RICTOR: variants seen among roughly 807,000 people sequenced by gnomAD.
The protein encoded by RICTOR is rapamycin-insensitive companion of mTOR.
Under a neutral mutation model 214.9 loss-of-function variants are expected in RICTOR, and 49 were observed. The observed-to-expected ratio is 0.23, with a 90% CI of 0.18 to 0.29. The LOEUF (loss-of-function observed/expected upper bound fraction) is 0.29. RICTOR is among the 10% of genes least tolerant of loss of function. The pLI is 1.00. For synonymous variants in RICTOR, 717 were observed against 711.3 expected (o/e 1.01, Z -0.13); for missense variants, 1,625 against 2,047.0 (o/e 0.79, Z 3.98).
At chr5:39,064,443 T>C (rs1758761839) in intron 2 of RICTOR, among the ~76,000 whole-genome samples, 1 of 152,180 alleles carries the variant, frequency 6.6e-6, no homozygotes, top group Non-Finnish European at 1.5e-5. Context: ...GAAAAGAACA[T>C]AAAATATTTT....
intron 3 of RICTOR, among the ~76,000 whole-genome samples, chr5:39,004,077 G>A (rs1399745612): frequency 6.6e-6 from 1 of 151,960 alleles, no homozygotes; most frequent in African/African-American, 2.4e-5. Context: ...CCGTATTACT[G>A]TTAATGGGTT....
intron 2 of RICTOR, among the ~76,000 whole-genome samples, chr5:39,058,013 T>C (rs1374597089): frequency 6.6e-6 from 1 of 152,116 alleles, no homozygotes; most frequent in Admixed American, 6.5e-5. Flanking sequence ...ATTTTCTTTA[T>C]TTTAAAAGTG....
At position 38,984,273 on chromosome 5, in the gene RICTOR, T is replaced by A. The variant is rs553815529; in HGVS notation, c.584-2237A>T. Among the ~76,000 whole-genome samples the A allele has an allele frequency of 1.2e-4, 18 of 152,302 alleles. No homozygotes were observed. The South Asian group carries it at 3.7e-3, about 32-fold the overall frequency. Reference sequence around the variant, plus strand: ...TATTAATCTTTTGTATTTCAAATCTTTGAGTTTTCCAAACATTTGTGGATT... The same window carrying A: ...TATTAATCTTTTGTATTTCAAATCTATGAGTTTTCCAAACATTTGTGGATT... On this transcript the variant is annotated intron_variant, in intron 7 of 37. Coordinates refer to ENST00000357387, the MANE Select transcript of RICTOR (RefSeq NM_152756.5).
chr5:38,995,506 C>G (rs1360450068), intron 6 of RICTOR, among the ~76,000 whole-genome samples: 2 of 152,050 alleles, frequency 1.3e-5, no homozygotes, highest in East Asian at 3.9e-4. Context: ...ATCTCAATCA[C>G]CACTAAATAA....
chr5:38,942,725 G>T, intron 37 of RICTOR, 108 bp downstream of exon 37: 2 of 876,222 alleles, frequency 2.3e-6, no homozygotes, highest in Non-Finnish European at 3.6e-6. Flanking sequence ...CAAAGTGCTG[G>T]GATTGTAGGC....
intron 36 of RICTOR, among the ~76,000 whole-genome samples, chr5:38,943,512 T>TA (rs906456664): frequency 3.3e-5 from 5 of 151,366 alleles, no homozygotes; most frequent in African/African-American, 4.9e-5. Flanking sequence ...ATATCACCCT[T>TA]AAAAAAAAGC....
chr5:38,996,117 G>T (rs976206698), intron 6 of RICTOR, among the ~76,000 whole-genome samples: 1 of 152,170 alleles, frequency 6.6e-6, no homozygotes, highest in Admixed American at 6.5e-5. Context: ...AATATTTTTA[G>T]ATTTTTTATG....
intron 31 of RICTOR, among the ~76,000 whole-genome samples, chr5:38,948,682 G>A (rs926630362): frequency 4.6e-5 from 7 of 152,090 alleles, no homozygotes; most frequent in African/African-American, 1.7e-4. Context: ...ATTTGTAACA[G>A]TGAGCTGTTG....
intron 2 of RICTOR, among the ~76,000 whole-genome samples, chr5:39,064,923 T>C (rs116746347): frequency 2.6e-5 from 4 of 152,276 alleles, no homozygotes; most frequent in African/African-American, 4.8e-5. Context: ...GTGAGGAAAT[T>C]GAAGCCAGAG....
chr5:39,020,711 T>A (rs1755356009), intron 3 of RICTOR, among the ~76,000 whole-genome samples: 2 of 152,208 alleles, frequency 1.3e-5, no homozygotes, highest in Admixed American at 1.3e-4. Context: ...ATATCTCCAA[T>A]GTATGCCTGT....
Position 38,959,881 on chromosome 5 carries a change from C to T in RICTOR, c.1949G>A (p.Gly650Asp), listed in dbSNP as rs2150017453. ...GTGTTGACTAAGGGTGGTCAATAAA[C>T]CATTATTTTGAAGACTTCTTTCGGG... ...MKPERSLQNN[G>D]LLTTLSQHYF... Residue 650 changes from glycine to aspartate, a missense_variant, in exon 21 of 38, where the codon GGT (glycine) becomes GAT (aspartate). Physicochemically the swap from Gly to Asp is moderately conservative, Grantham distance 94. This residue lies in a region of RICTOR where 1,214 missense variants were observed against 1,470.5 expected (regional missense o/e 0.83). Coordinates refer to ENST00000357387, the MANE Select transcript of RICTOR (RefSeq NM_152756.5). The T allele has an allele frequency of 6.2e-7, 1 of 1,612,636 alleles. No homozygotes were observed. Among genetic ancestry groups the T allele is most frequent in the East Asian group, 2.2e-5 (1 of 44,806 alleles).
At chr5:38,985,698 T>TG (rs1752112221) in intron 7 of RICTOR, among the ~76,000 whole-genome samples, 1 of 151,032 alleles carries the variant, frequency 6.6e-6, no homozygotes, top group African/African-American at 2.5e-5. Context: ...CCTACAATTC[T>TG]ATTTTTTTTT....
intron 7 of RICTOR, among the ~76,000 whole-genome samples, chr5:38,988,394 T>C (rs1279048845): frequency 6.6e-6 from 1 of 152,156 alleles, no homozygotes; most frequent in Non-Finnish European, 1.5e-5. Flanking sequence ...GGTGCATATA[T>C]ATTTAGGATA....
intron 2 of RICTOR, among the ~76,000 whole-genome samples, chr5:39,037,110 A>C (rs2150161298): frequency 6.6e-6 from 1 of 152,332 alleles, no homozygotes; most frequent in East Asian, 1.9e-4. Flanking sequence ...AAATTATAAC[A>C]AACTGTCTCT....
Position 38,945,444 on chromosome 5 carries a change from C to T in RICTOR, c.4633+47G>A, listed in dbSNP as rs768646964. On this transcript the variant is annotated intron_variant, in intron 34 of 37. Transcript: ENST00000357387. ...AAATTTGGAAAAGTAAACCAGAGAA[C>T]TTTAGTCATCACTAGGTTTTTCTGA... The T allele has an allele frequency of 3.1e-6, 4 of 1,291,916 alleles. No homozygotes were observed. The African/African-American group carries it at 5.9e-5, about 19-fold the overall frequency. The allele number at this position is 1,291,916 out of a possible 1,614,324, so 80.0% of individuals were successfully genotyped here. A position where few individuals can be genotyped will look rare whatever the true frequency, so the allele number is the denominator to read the frequency against.
chr5:38,950,832 T>A, intron 30 of RICTOR, 112 bp from the exon 31 acceptor site: 1 of 813,094 alleles, frequency 1.2e-6, no homozygotes, highest in South Asian at 2.3e-5. Flanking sequence ...GAGGAAAAAA[T>A]TTAAAAATAA....
intron 2 of RICTOR, among the ~76,000 whole-genome samples, chr5:39,064,421 T>C (rs1434260284): frequency 6.6e-6 from 1 of 152,212 alleles, no homozygotes. Context: ...TACATCAATC[T>C]ATTGTGGGAG....
intron 2 of RICTOR, among the ~76,000 whole-genome samples, chr5:39,072,474 G>A (rs77442418): frequency 0.019 from 2,867 of 152,254 alleles, 102 homozygotes; most frequent in African/African-American, 0.066. Flanking sequence ...CCACATCTGA[G>A]CAGGTTTTTA....
At chr5:38,977,592 CTTTTT>C (rs34467191) in intron 9 of RICTOR, among the ~76,000 whole-genome samples, 5 of 83,222 alleles carry the variant, frequency 6.0e-5, no homozygotes, top group South Asian at 4.6e-4. Context: ...TATGAAACCA[CTTTTT>C]TTTTTTTTTT....
Sources: gnomAD v4.1 joint callset for allele counts (sites outside exome capture counted in the v4.1 genomes callset) on GRCh38, gnomAD v4.1.1 for gene constraint, gnomAD v4.1.1 regional missense constraint, MANE v1.5 for transcripts, NCBI Gene and HGNC (gene_info 2026-07-23, HGNC 2026-07-21) for gene names.